Variants in GRK5 observed in about 807,000 individuals in gnomAD.
The protein encoded by GRK5 is G protein-coupled receptor kinase 5.
GRK5 carries 40 observed loss-of-function variants against 78.4 expected under a neutral mutation model. That is an observed-to-expected ratio of 0.51 (90% CI 0.40 to 0.66). The LOEUF (loss-of-function observed/expected upper bound fraction) is 0.66. Among genes scored for constraint, GRK5 ranks in the 30% least tolerant of loss-of-function variants. GRK5 has a pLI of 0.00. For missense variants in GRK5, 598 were observed against 759.9 expected (o/e 0.79, Z 2.50); for synonymous variants, 289 against 296.8 (o/e 0.97, Z 0.27).
chr10:119,332,558 G>A (rs1272319592), intron 2 of GRK5, among the ~76,000 whole-genome samples: 2 of 152,216 alleles, frequency 1.3e-5, no homozygotes, highest in African/African-American at 4.8e-5. Context: ...ATAATTGAAG[G>A]AAGTGCAAAT....
chr10:119,427,796 C>T (rs1564931220), intron 6 of GRK5, among the ~76,000 whole-genome samples: 2 of 129,212 alleles, frequency 1.5e-5, no homozygotes, highest in African/African-American at 2.5e-5. Flanking sequence ...ATCAGCATCA[C>T]CACCATCAAC....
intron 8 of GRK5, 152 bp from the exon 9 acceptor site, chr10:119,436,499 G>A: frequency 1.4e-6 from 1 of 706,204 alleles, no homozygotes; most frequent in Non-Finnish European, 2.4e-6. Context: ...GGAGGCCGCA[G>A]GCAGGGTCAC....
chr10:119,453,462 G>A (rs1456675468), intron 15 of GRK5, among the ~76,000 whole-genome samples, 186 bp downstream of exon 15: 3 of 152,172 alleles, frequency 2.0e-5, no homozygotes, highest in Non-Finnish European at 2.9e-5. Context: ...TGGGATCCCC[G>A]GGGAGAAGGG....
At chr10:119,330,241 C>T (rs1270362978) in intron 2 of GRK5, 1 of 152,018 alleles carries the variant, frequency 6.6e-6, no homozygotes, top group African/African-American at 2.4e-5. Context: ...AAACAACAGA[C>T]ATTTATCTCT....
chr10:119,402,799 A>G (rs2133860949), intron 4 of GRK5, among the ~76,000 whole-genome samples: 1 of 152,354 alleles, frequency 6.6e-6, no homozygotes, highest in African/African-American at 2.4e-5. Context: ...GGTTGCAGTG[A>G]GCCAAGGTCG....
Position 119,267,349 on chromosome 10 carries a change from T to C in GRK5, c.53-59167T>C, listed in dbSNP as rs1849515795. ...CTTCCCACCTTGGCCTCCCAAAGTG[T>C]GGGATTACAGGTGTGAGCCACCGTG... On this transcript the variant is annotated intron_variant, in intron 1 of 15. Transcript: ENST00000392870. The surrounding 1 kb of genome is among the most constrained non-coding windows in gnomAD (Gnocchi z 4.1). 6.6e-6 allele frequency among the ~76,000 whole-genome samples: 1 copy of C among 152,100 alleles called. No individual in the cohort carries two copies. Among genetic ancestry groups the C allele is most frequent in the African/African-American group, 2.4e-5 (1 of 41,422 alleles).
intron 1 of GRK5, among the ~76,000 whole-genome samples, chr10:119,285,828 A>G (rs1564876832): frequency 6.6e-6 from 1 of 152,166 alleles, no homozygotes; most frequent in South Asian, 2.1e-4. Context: ...TGGCCAGAGT[A>G]GGGAGGGATG....
chr10:119,358,516 G>A (rs1336851175), intron 2 of GRK5, among the ~76,000 whole-genome samples: 10 of 152,154 alleles, frequency 6.6e-5, no homozygotes, highest in Non-Finnish European at 1.5e-5. Context: ...ATTGAGGCGT[G>A]CATGGTGCAT....
At chr10:119,394,165 T>TG (rs1851942577) in intron 3 of GRK5, among the ~76,000 whole-genome samples, 6 of 69,114 alleles carry the variant, frequency 8.7e-5, no homozygotes, top group East Asian at 3.7e-4. Flanking sequence ...TGTGTGTGGG[T>TG]TTGAGTGTGT....
rs185656331 is a variant in GRK5 at position 119,325,235 on chromosome 10, G to A, written c.53-1281G>A. Among the ~76,000 whole-genome samples, 188 of 152,332 alleles carry A rather than the reference G, an allele frequency of 1.2e-3. 2 individuals carry two copies. The highest frequency in any genetic ancestry group is 4.3e-3 in the African/African-American group (178 of 41,584). ...TTGTTTTCCCTCCTTTCAGCTTTGG[G>A]AGGAAGGCCTTACTGTCTCCACTTC... On this transcript the variant is annotated intron_variant, in intron 1 of 15. Transcript: ENST00000392870.
intron 1 of GRK5, among the ~76,000 whole-genome samples, chr10:119,311,407 C>T (rs778875613): frequency 6.6e-6 from 1 of 151,892 alleles, no homozygotes; most frequent in Non-Finnish European, 1.5e-5. Flanking sequence ...GTGATGTGTG[C>T]CTGGGAATTA....
rs1263801645 is a variant in GRK5 at position 119,455,880 on chromosome 10, C to G, written c.*813C>G. 1 of 154,932 alleles carries G rather than the reference C, an allele frequency of 6.5e-6. No individual in the cohort carries two copies. Among genetic ancestry groups the G allele is most frequent in the Non-Finnish European group, 1.4e-5 (1 of 70,294 alleles). 9.6% of individuals were successfully genotyped at this position (154,932 alleles called of 1,614,324 possible). On this transcript the variant is annotated 3_prime_UTR_variant, in exon 16 of 16. Transcript: ENST00000392870. ...TTCCTTCAGGAAGGCGGCTGGCACG[C>G]GGATCTAGGTGTTTGCAGCCTGGTG...
intron 2 of GRK5, among the ~76,000 whole-genome samples, chr10:119,345,314 C>T (rs1234798786): frequency 6.6e-6 from 1 of 152,196 alleles, no homozygotes; most frequent in Non-Finnish European, 1.5e-5. Context: ...GTTTTGTGCT[C>T]ATTTGGCTTT....
In GRK5 at chr10:119,452,652, G is replaced by A. The variant is rs777428319; in HGVS notation, c.1405-19G>A. 12 of 1,613,460 alleles carry A rather than the reference G, an allele frequency of 7.4e-6. No homozygotes were observed. The highest frequency in any genetic ancestry group is 1.6e-4 in the Middle Eastern group (1 of 6,080). On this transcript the variant is annotated intron_variant, in intron 13 of 15. Coordinates refer to ENST00000392870, the MANE Select transcript of GRK5 (RefSeq NM_005308.3). The surrounding 1 kb of genome is among the most constrained non-coding windows in gnomAD (Gnocchi z 4.4). ...CCGCAGGCGGGACATATGTGTGACCGGCCCTCTGCCCCTGGCAGCCCCGCG... is the reference window on the plus strand; with the variant it reads ...CCGCAGGCGGGACATATGTGTGACCAGCCCTCTGCCCCTGGCAGCCCCGCG...
chr10:119,298,353 G>A (rs955597812), intron 1 of GRK5, among the ~76,000 whole-genome samples: 6 of 152,146 alleles, frequency 3.9e-5, no homozygotes, highest in African/African-American at 1.4e-4. Context: ...GGAGACCTGA[G>A]GCTTCTTACC....
At chr10:119,230,822 C>T (rs1376390224) in intron 1 of GRK5, among the ~76,000 whole-genome samples, 1 of 127,482 alleles carries the variant, frequency 7.8e-6, no homozygotes, top group Non-Finnish European at 1.6e-5. Context: ...CAGAGTGAGA[C>T]CCTATCTCAA....
Position 119,443,713 on chromosome 10 carries a change from C to T in GRK5, c.1227C>T (p.Ser409=). 6.2e-7 allele frequency: 1 copy of T among 1,609,644 alleles called. No individual in the cohort carries two copies. Among genetic ancestry groups the T allele is most frequent in the Non-Finnish European group, 8.5e-7 (1 of 1,176,658 alleles). ...TCCTGGAGACGGAGGAGGTGTACTC[C>T]CACAAGTTCTCCGAGGAGGCCAAGT... ...RRVLETEEVY[S]HKFSEEAKSI... The change falls in exon 12 of 16, where the codon TCC becomes TCT. Residue 409 remains serine (S), a synonymous_variant. Transcript: ENST00000392870.
chr10:119,453,045 G>A, intron 14 of GRK5, 100 bp from the exon 15 acceptor site: 4 of 885,372 alleles, frequency 4.5e-6, no homozygotes, highest in Non-Finnish European at 5.7e-6. Context: ...TGTGGCTCAG[G>A]GGCAGGTGAG....
chr10:119,414,422 A>G (rs1055152698), intron 4 of GRK5, among the ~76,000 whole-genome samples: 5 of 152,136 alleles, frequency 3.3e-5, no homozygotes, highest in Admixed American at 1.3e-4. Context: ...GCACTATACA[A>G]ACACCATTGG....
Sources: gnomAD v4.1 joint callset for allele counts (sites outside exome capture counted in the v4.1 genomes callset) on GRCh38, gnomAD v4.1.1 for gene constraint, Gnocchi (gnomAD v3.1) non-coding constraint, MANE v1.5 for transcripts, NCBI Gene and HGNC (gene_info 2026-07-23, HGNC 2026-07-21) for gene names.